Variants in NBPF14 observed in about 807,000 individuals in gnomAD.
NBPF14 encodes the protein NBPF member 14, also known as NBPF family member NBPF14.
Under a neutral mutation model 91.2 loss-of-function variants are expected in NBPF14, and 104 were observed. The observed-to-expected ratio is 1.14, with a 90% CI of 0.97 to 1.34. NBPF14 has a LOEUF of 1.34. Ranked by LOEUF, NBPF14 falls within the 40% of genes most tolerant of loss-of-function variation. The pLI is 0.00. For missense variants in NBPF14, 908 were observed against 783.0 expected, an observed-to-expected ratio of 1.16 and a Z score of -1.91; for synonymous variants, 294 against 303.8, an observed-to-expected ratio of 0.97 and a Z score of 0.34.
intron 48 of NBPF14, 128 bp from the exon 49 acceptor site, chr1:148,550,672 CA>C (rs1656147021): frequency 2.0e-6 from 1 of 504,768 alleles, no homozygotes; most frequent in Non-Finnish European, 3.4e-6. Context: ...AATGAGGTAA[CA>C]AATTATTGCC....
rs1398638534 is a variant in NBPF14 at position 148,592,757 on chromosome 1, T to G, written c.288A>C (p.Lys96Asn). ...CTCGTTCCTGAGAGTGAACCAGGAC[T>G]TTATATTGCCTAAGGTGAGACGGTA... The change falls in exon 4 of 71, where the codon AAA becomes AAC. Residue 96 changes from lysine to asparagine, a missense_variant. By Grantham distance (94) the Lys-to-Asn change is moderately conservative. Transcript: ENST00000619423. The G allele has an allele frequency of 1.4e-5, 22 of 1,582,614 alleles. 3 individuals carry two copies. The highest frequency in any genetic ancestry group is 1.9e-5 in the Non-Finnish European group (22 of 1,157,934).
chr1:148,534,267 C>G (rs1462205353), intron 69 of NBPF14, among the ~76,000 whole-genome samples: 1 of 151,736 alleles, frequency 6.6e-6, no homozygotes, highest in African/African-American at 2.4e-5. Flanking sequence ...CAAATACCCT[C>G]AATGATTTCT....
chr1:148,566,518 C>CAA (rs1184282990), intron 28 of NBPF14, among the ~76,000 whole-genome samples: 1 of 122,962 alleles, frequency 8.1e-6, no homozygotes. Flanking sequence ...GACACACACA[C>CAA]ACACACACAC....
chr1:148,589,955 C>T (rs1662180390), intron 6 of NBPF14, among the ~76,000 whole-genome samples: 1 of 147,348 alleles, frequency 6.8e-6, no homozygotes, highest in African/African-American at 2.5e-5. Context: ...TGGTTTCGAA[C>T]TCCTGAGCTC....
chr1:148,593,410 G>A (rs1358880485), intron 3 of NBPF14, among the ~76,000 whole-genome samples, 188 bp downstream of exon 3: 1 of 148,350 alleles, frequency 6.7e-6, no homozygotes, highest in African/African-American at 2.5e-5. Context: ...AAGGCTCTAA[G>A]AAACAACTGC....
exon 37 of NBPF14, chr1:148,559,886 C>G: frequency 3.0e-6 from 4 of 1,337,390 alleles, no homozygotes; most frequent in East Asian, 2.5e-5. Flanking sequence ...TCAAGACAAC[C>G]TGAAGGAGTT....
At chr1:148,559,677 A>C in intron 37 of NBPF14, 116 bp downstream of exon 37, 1 of 654,800 alleles carries the variant, frequency 1.5e-6, no homozygotes, top group Non-Finnish European at 2.6e-6. Context: ...ATGTGCCTAT[A>C]GGTCCTCCCT....
chr1:148,539,264 C>G lies in NBPF14; in HGVS notation c.7882+146G>C, dbSNP rs1476420410. On this transcript the variant is annotated intron_variant, in intron 63 of 70. Coordinates refer to ENST00000619423, the Ensembl canonical transcript of NBPF14. The stretch of plus-strand genomic sequence containing the variant: ...ATGTCTAGGCTTCCAACTGAGACTA[C>G]AGTTTCTTTACAACCTATATGCGCC... 9 of 615,664 alleles carry G rather than the reference C, an allele frequency of 1.5e-5. 2 individuals carry two copies. The highest frequency in any genetic ancestry group is 3.3e-5 in the East Asian group (1 of 29,978). The allele number at this position is 615,664 out of a possible 1,614,324, so 38.1% of individuals were successfully genotyped here.
At chr1:148,579,804 G>C (rs1159991047) in intron 12 of NBPF14, among the ~76,000 whole-genome samples, 3 of 152,134 alleles carry the variant, frequency 2.0e-5, no homozygotes, top group Non-Finnish European at 2.9e-5. Context: ...ATCCCTGTTT[G>C]AGGGTCTGGA....
At chr1:148,559,699 A>G (rs1207187262) in intron 37 of NBPF14, 94 bp downstream of exon 37, 3 of 708,760 alleles carry the variant, frequency 4.2e-6, no homozygotes, top group Non-Finnish European at 2.4e-6. Flanking sequence ...TGGCAATGAC[A>G]TCTCTCAGCT....
chr1:148,575,720 G>A (rs1659579914), exon 17 of NBPF14: 1 of 233,182 alleles, frequency 4.3e-6, no homozygotes, highest in Non-Finnish European at 7.6e-6. Flanking sequence ...AAGTCAGGCA[G>A]TTCAAGATAA....
intron 64 of NBPF14, among the ~76,000 whole-genome samples, chr1:148,538,215 C>A (rs1337393734): frequency 5.5e-5 from 4 of 73,006 alleles, no homozygotes; most frequent in Admixed American, 1.4e-4. Flanking sequence ...CACACACACA[C>A]ACACACACAC....
At chr1:148,572,801 GAGAC>G (rs1179018274) in intron 20 of NBPF14, among the ~76,000 whole-genome samples, 186 bp from the exon 21 acceptor site, 2 of 54,564 alleles carry the variant, frequency 3.7e-5, no homozygotes, top group Admixed American at 1.8e-4. Flanking sequence ...ATGAAAGAGA[GAGAC>G]AGACAGAGAC....
intron 13 of NBPF14, among the ~76,000 whole-genome samples, 179 bp downstream of exon 13, chr1:148,578,895 C>G (rs1660493896): frequency 6.7e-6 from 1 of 148,288 alleles, no homozygotes; most frequent in Non-Finnish European, 1.5e-5. Context: ...AGCTCACTGA[C>G]CCACCCCATG....
At chr1:148,557,109 T>G (rs1656729814) in intron 40 of NBPF14, among the ~76,000 whole-genome samples, 1 of 120,602 alleles carries the variant, frequency 8.3e-6, no homozygotes. Context: ...GAGAACGAGC[T>G]CAGTGAATTG....
chr1:148,533,446 G>C (rs1360128170), intron 70 of NBPF14, among the ~76,000 whole-genome samples, 198 bp from the exon 71 acceptor site: 1 of 151,252 alleles, frequency 6.6e-6, no homozygotes, highest in Non-Finnish European at 1.5e-5. Context: ...GAGAAAGACA[G>C]AGAGAGAGAG....
At position 148,593,687 on chromosome 1, in the gene NBPF14, AC is replaced by A. The variant is rs1662865190; in HGVS notation, c.188del (p.Cys63LeufsTer5). On this transcript the variant is annotated frameshift_variant, in exon 3 of 71. Transcript: ENST00000619423. LOFTEE classifies it high-confidence loss of function. ...TCAGCATAAATTTTATGAGGTCTTT[AC>A]ACTCTTCATACTCTGAGAAAAGACA... 3.2e-6 allele frequency: 5 copies of A among 1,541,638 alleles called. No individual in the cohort carries two copies. The highest frequency in any genetic ancestry group is 4.5e-6 in the Non-Finnish European group (5 of 1,123,404).
intron 13 of NBPF14, 121 bp downstream of exon 13, chr1:148,578,953 T>A (rs1660506360): frequency 2.9e-6 from 2 of 680,124 alleles, no homozygotes; most frequent in African/African-American, 3.7e-5. Flanking sequence ...TACATTGATA[T>A]ATAGGTTCAG....
At chr1:148,555,442 C>CAGACAGAGACAGAGACAG (rs1450012962) in intron 42 of NBPF14, among the ~76,000 whole-genome samples, 190 bp from the exon 43 acceptor site, 10 of 81,586 alleles carry the variant, frequency 1.2e-4, no homozygotes, top group East Asian at 6.9e-4. Context: ...AAGAGAAAGA[C>CAGACAGAGACAGAGACAG]AGACAGAGAC....
Sources: allele counts gnomAD v4.1 joint callset (sites outside exome capture counted in the v4.1 genomes callset), GRCh38; gene constraint gnomAD v4.1.1; transcripts MANE v1.5; gene names NCBI Gene and HGNC (gene_info 2026-07-23, HGNC 2026-07-21).